Variants in NFIB observed in about 807,000 individuals in gnomAD.
The protein encoded by NFIB is nuclear factor I B.
NFIB carries 11 observed loss-of-function variants against 61.5 expected under a neutral mutation model. That is an observed-to-expected ratio of 0.18 (90% CI 0.11 to 0.30). The LOEUF (loss-of-function observed/expected upper bound fraction) is 0.30. NFIB is among the 10% of genes least tolerant of loss of function. The pLI is 1.00. For synonymous variants in NFIB, 260 were observed against 216.5 expected (o/e 1.20, Z -1.76); for missense variants, 471 against 608.9 (o/e 0.77, Z 2.38).
rs188933464 is a variant in NFIB at position 14,254,805 on chromosome 9, G to C, written c.562+52184C>G. Among the ~76,000 whole-genome samples the C allele has an allele frequency of 5.8e-4, 89 of 152,260 alleles. No individual in the cohort carries two copies. In the Middle Eastern group the frequency reaches 0.01, roughly 17 times the overall value. The stretch of plus-strand genomic sequence containing the variant: ...TGTAGTTGGGATTCTGTGTGTGTGT[G>C]AATCTATGCATGTGCATATATGTGC... On this transcript the variant is annotated intron_variant, in intron 2 of 10. Coordinates refer to ENST00000380953, the MANE Select transcript of NFIB (RefSeq NM_001190737.2).
intron 1 of NFIB, among the ~76,000 whole-genome samples, chr9:14,394,262 G>T (rs532263941): frequency 8.8e-4 from 134 of 152,254 alleles, no homozygotes; most frequent in African/African-American, 2.9e-3. Context: ...ACTCTAGTTG[G>T]ACATATATGC....
chr9:14,229,385 T>C (rs904947085), intron 2 of NFIB, among the ~76,000 whole-genome samples: 3 of 152,104 alleles, frequency 2.0e-5, no homozygotes, highest in African/African-American at 4.8e-5. Flanking sequence ...AAATGGGAGA[T>C]CAAGTACTTC....
chr9:14,381,254 C>T (rs1413309584), intron 1 of NFIB, among the ~76,000 whole-genome samples: 1 of 151,746 alleles, frequency 6.6e-6, no homozygotes, highest in African/African-American at 2.4e-5. Flanking sequence ...TGCAGTGGTG[C>T]AGTCTTGGCT....
At chr9:14,483,646 G>C in the NFIB span, among the ~76,000 whole-genome samples, 1 of 152,172 alleles carries the variant, frequency 6.6e-6, no homozygotes, top group Non-Finnish European at 1.5e-5. Context: ...GAAATTCTTA[G>C]CGCAGTACCC....
At chr9:14,228,273 CA>C (rs1031999332) in intron 2 of NFIB, among the ~76,000 whole-genome samples, 7 of 150,724 alleles carry the variant, frequency 4.6e-5, no homozygotes, top group Non-Finnish European at 8.8e-5. Flanking sequence ...CGGCTCACTG[CA>C]GCCTCCGCCT....
chr9:14,193,965 T>G lies in NFIB; in HGVS notation c.563-14185A>C, dbSNP rs549221421. 6.6e-5 allele frequency among the ~76,000 whole-genome samples: 10 copies of G among 152,288 alleles called. No homozygotes were observed. In the South Asian group the frequency reaches 1.7e-3, roughly 25 times the overall value. On this transcript the variant is annotated intron_variant, in intron 2 of 10. Coordinates refer to ENST00000380953, the MANE Select transcript of NFIB (RefSeq NM_001190737.2). ...TCTACATCCTCTCTCTCAATCATTT[T>G]GAACCCCCACCCCCAAGATTTATTT...
the NFIB span, among the ~76,000 whole-genome samples, chr9:14,480,991 A>G: frequency 6.6e-6 from 1 of 151,336 alleles, no homozygotes; most frequent in African/African-American, 2.4e-5. Flanking sequence ...CCTTACCTAT[A>G]ACACCTTGGA....
chr9:14,348,951 C>G (rs929990693), intron 1 of NFIB, among the ~76,000 whole-genome samples: 5 of 152,238 alleles, frequency 3.3e-5, no homozygotes, highest in Non-Finnish European at 7.3e-5. Context: ...CCGCCCCCAC[C>G]TTGCGCTCCA....
At chr9:14,481,900 C>T in the NFIB span, among the ~76,000 whole-genome samples, 3 of 152,020 alleles carry the variant, frequency 2.0e-5, no homozygotes, top group Non-Finnish European at 4.4e-5. Context: ...ACAGTCTCTC[C>T]CCTCACTCCA....
chr9:14,256,445 C>T (rs1488063872), intron 2 of NFIB, among the ~76,000 whole-genome samples: 1 of 151,890 alleles, frequency 6.6e-6, no homozygotes, highest in Non-Finnish European at 1.5e-5. Context: ...AATTTCACTG[C>T]TAACCATAAA....
chr9:14,487,453 T>C, the NFIB span, among the ~76,000 whole-genome samples: 1 of 152,200 alleles, frequency 6.6e-6, no homozygotes, highest in African/African-American at 2.4e-5. Context: ...GGAAGCAAAC[T>C]AGTAGCACAC....
chr9:14,437,173 G>A, the NFIB span, among the ~76,000 whole-genome samples: 9 of 152,164 alleles, frequency 5.9e-5, no homozygotes, highest in African/African-American at 2.2e-4. Flanking sequence ...GATTCTTTAT[G>A]CCTCTGACAT....
intron 2 of NFIB, among the ~76,000 whole-genome samples, chr9:14,195,585 C>T (rs537671869): frequency 6.6e-6 from 1 of 152,242 alleles, no homozygotes; most frequent in African/African-American, 2.4e-5. Flanking sequence ...TATTCACTGT[C>T]GATATAAATG....
chr9:14,468,253 T>C, the NFIB span, among the ~76,000 whole-genome samples: 3 of 152,204 alleles, frequency 2.0e-5, no homozygotes, highest in East Asian at 5.8e-4. Context: ...TATAGAGCTT[T>C]CAAGGACTTA....
intron 2 of NFIB, among the ~76,000 whole-genome samples, chr9:14,233,740 A>G (rs1015169698): frequency 5.3e-5 from 8 of 152,100 alleles, no homozygotes; most frequent in African/African-American, 1.9e-4. Flanking sequence ...TTGTTTTGCT[A>G]TTATTCTTTA....
chr9:14,143,736 T>C (rs959189764), intron 6 of NFIB, among the ~76,000 whole-genome samples: 7 of 152,178 alleles, frequency 4.6e-5, no homozygotes, highest in Non-Finnish European at 8.8e-5. Context: ...ATATGTGCTT[T>C]AGACAACTCC....
intron 2 of NFIB, among the ~76,000 whole-genome samples, chr9:14,254,332 C>T (rs1048595071): frequency 2.0e-5 from 3 of 151,704 alleles, no homozygotes; most frequent in African/African-American, 7.3e-5. Context: ...CAAAACAAAA[C>T]AGCATTTCTC....
intron 10 of NFIB, among the ~76,000 whole-genome samples, chr9:14,093,883 T>G (rs1485793443): frequency 1.3e-5 from 2 of 152,104 alleles, no homozygotes; most frequent in East Asian, 1.9e-4. Context: ...TTGAATCTAT[T>G]TATGTATTAG....
intron 3 of NFIB, among the ~76,000 whole-genome samples, chr9:14,171,190 T>A (rs899163895): frequency 1.3e-5 from 2 of 152,182 alleles, no homozygotes; most frequent in Non-Finnish European, 2.9e-5. Flanking sequence ...ACTCACTACT[T>A]ATGAACCTAT....
Sources: allele counts gnomAD v4.1 joint callset (sites outside exome capture counted in the v4.1 genomes callset), GRCh38; gene constraint gnomAD v4.1.1; transcripts MANE v1.5; gene names NCBI Gene and HGNC (gene_info 2026-07-23, HGNC 2026-07-21).